The following PDE4DIP variants were observed in gnomAD, a reference collection of about 807,000 sequenced individuals.
PDE4DIP encodes phosphodiesterase 4D interacting protein.
Under a neutral mutation model 221.4 loss-of-function variants are expected in PDE4DIP, and 59 were observed. That is an observed-to-expected ratio of 0.27 (90% CI 0.22 to 0.33). The LOEUF (loss-of-function observed/expected upper bound fraction) is 0.33, where lower values mean the gene tolerates loss of function less well. Among genes scored for constraint, PDE4DIP ranks in the 10% least tolerant of loss-of-function variants. PDE4DIP has a pLI of 1.00. For synonymous variants in PDE4DIP, 404 were observed against 815.9 expected, an observed-to-expected ratio of 0.50 and a Z score of 8.60; for missense variants, 1,036 against 2,154.2, an observed-to-expected ratio of 0.48 and a Z score of 10.28.
chr1:148,967,483 G>A (rs1176112821), intron 12 of PDE4DIP, among the ~76,000 whole-genome samples: 1 of 151,904 alleles, frequency 6.6e-6, no homozygotes, highest in East Asian at 1.9e-4. Context: ...TTATAGCATA[G>A]TGCACTTCCT....
At chr1:149,032,654 T>C (rs1187529873) in exon 44 of PDE4DIP, 22 of 230,044 alleles carry the variant, frequency 9.6e-5, no homozygotes, top group African/African-American at 4.7e-4. Context: ...TTCTATGATA[T>C]CCAAATTGGA....
chr1:148,980,988 T>C (rs1400654315), intron 20 of PDE4DIP, among the ~76,000 whole-genome samples: 8 of 152,234 alleles, frequency 5.3e-5, no homozygotes, highest in African/African-American at 1.9e-4. Flanking sequence ...GTTTGGGCTA[T>C]AGGGGTGTGA....
At chr1:148,822,584 G>A (rs1446832272) in intron 1 of PDE4DIP, among the ~76,000 whole-genome samples, 2 of 150,876 alleles carry the variant, frequency 1.3e-5, no homozygotes, top group South Asian at 2.1e-4. Context: ...TACCAAAAAG[G>A]TTGGAGACCA....
chr1:148,920,209 C>G (rs1413856260), intron 1 of PDE4DIP, among the ~76,000 whole-genome samples: 1 of 145,376 alleles, frequency 6.9e-6, no homozygotes, highest in Non-Finnish European at 1.5e-5. Flanking sequence ...CTTCGCTCAC[C>G]GAAACCTCCG....
chr1:148,955,567 A>G (rs1435822067), intron 5 of PDE4DIP, among the ~76,000 whole-genome samples: 1 of 152,008 alleles, frequency 6.6e-6, no homozygotes, highest in East Asian at 1.9e-4. Context: ...ATTTCTGACC[A>G]TTCTCAGGCA....
chr1:148,948,471 C>CAA (rs11402302), intron 5 of PDE4DIP, among the ~76,000 whole-genome samples: 21 of 97,638 alleles, frequency 2.2e-4, no homozygotes, highest in East Asian at 2.1e-3. Context: ...GTCTCCGTCT[C>CAA]AAAAAAAAAA....
chr1:148,892,304 T>G (rs1326337586), intron 1 of PDE4DIP, among the ~76,000 whole-genome samples: 1 of 123,728 alleles, frequency 8.1e-6, no homozygotes, highest in Non-Finnish European at 1.6e-5. Flanking sequence ...CAGGATTTTT[T>G]TTTTTTTTAA....
At chr1:148,927,591 T>A (rs1344403414) in intron 1 of PDE4DIP, among the ~76,000 whole-genome samples, 1 of 151,970 alleles carries the variant, frequency 6.6e-6, no homozygotes, top group African/African-American at 2.4e-5. Context: ...TGGTGGTTAT[T>A]ATATGGCGAT....
rs587617421 is a variant in PDE4DIP, at chr1:148,940,739, C to T, written c.636+2875C>T. 4.0e-5 allele frequency among the ~76,000 whole-genome samples: 6 copies of T among 148,178 alleles called. No homozygotes were observed. The South Asian group carries it at 1.3e-3, about 32-fold the overall frequency. ...TCAAGTGTGGAGAATAGAAAGCCTC[C>T]CATAGCATATTTCCTTGTTTCTCCC... On this transcript the variant is annotated intron_variant, in intron 5 of 43. Coordinates refer to ENST00000369354, the Ensembl canonical transcript of PDE4DIP.
intron 21 of PDE4DIP, chr1:148,983,825 T>C (rs1279634235): frequency 6.6e-6 from 1 of 152,316 alleles, no homozygotes; most frequent in Non-Finnish European, 1.5e-5. Flanking sequence ...ATGAAGTAAA[T>C]TTTTACTTAG....
At chr1:148,915,204 G>A (rs1328338517) in intron 1 of PDE4DIP, among the ~76,000 whole-genome samples, 4 of 152,084 alleles carry the variant, frequency 2.6e-5, no homozygotes, top group Admixed American at 6.5e-5. Context: ...CTGGAGTGCA[G>A]TGGTGCAATC....
chr1:148,813,882 T>TATATA (rs1667097405), intron 1 of PDE4DIP, among the ~76,000 whole-genome samples: 1 of 80,012 alleles, frequency 1.2e-5, no homozygotes, highest in African/African-American at 6.0e-5. Context: ...TCAAATCAAT[T>TATATA]GACCACATAT....
chr1:148,875,699 G>A (rs1553417847), intron 3 of PDE4DIP, among the ~76,000 whole-genome samples: 1 of 149,444 alleles, frequency 6.7e-6, no homozygotes, highest in Non-Finnish European at 1.5e-5. Context: ...GCTGAGGTGA[G>A]CGAATCACCT....
intron 5 of PDE4DIP, among the ~76,000 whole-genome samples, chr1:148,949,334 T>A (rs1553485859): frequency 6.7e-6 from 1 of 150,040 alleles, no homozygotes; most frequent in Non-Finnish European, 1.5e-5. Flanking sequence ...GAACTTTTGT[T>A]TATATAAGTT....
At chr1:148,903,066 C>T in intron 1 of PDE4DIP, among the ~76,000 whole-genome samples, 1 of 152,162 alleles carries the variant, frequency 6.6e-6, no homozygotes, top group Non-Finnish European at 1.5e-5. Flanking sequence ...ACATCCATAT[C>T]TACTATTTTT....
At chr1:148,999,638 G>A (rs1341793390) in intron 23 of PDE4DIP, among the ~76,000 whole-genome samples, 6 of 151,316 alleles carry the variant, frequency 4.0e-5, no homozygotes, top group African/African-American at 1.5e-4. Flanking sequence ...TCTACTTAAA[G>A]CATATTATTT....
chr1:148,913,654 G>A (rs1436955231), intron 1 of PDE4DIP, among the ~76,000 whole-genome samples: 3 of 136,250 alleles, frequency 2.2e-5, no homozygotes, highest in African/African-American at 8.4e-5. Flanking sequence ...AGTAATGTAT[G>A]TAGGGGCTGA....
At chr1:148,998,482 A>G (rs2064835066) in intron 23 of PDE4DIP, 107 bp downstream of exon 26, 1 of 582,922 alleles carries the variant, frequency 1.7e-6, no homozygotes, top group African/African-American at 1.9e-5. Context: ...AATTCTTTAG[A>G]TAAAAGTAAG....
intron 37 of PDE4DIP, among the ~76,000 whole-genome samples, chr1:149,023,214 C>T (rs1228265238): frequency 1.3e-5 from 2 of 152,114 alleles, no homozygotes; most frequent in Non-Finnish European, 2.9e-5. Flanking sequence ...TTTTCAAATA[C>T]TCATTTAGTG....
Sources: gnomAD v4.1 joint callset for allele counts (sites outside exome capture counted in the v4.1 genomes callset) on GRCh38, gnomAD v4.1.1 for gene constraint, MANE v1.5 for transcripts, NCBI Gene and HGNC (gene_info 2026-07-23, HGNC 2026-07-21) for gene names.